Variants in ZNF565 observed in about 807,000 individuals in gnomAD.
ZNF565 encodes zinc finger protein 565.
In ZNF565, 27 loss-of-function variants were observed where a neutral mutation model predicts 39.4. The ratio of observed to expected loss-of-function variants is 0.69; its 90% CI spans 0.51 to 0.95. ZNF565 has a LOEUF of 0.95. Ranked by LOEUF, ZNF565 falls within the 40% of genes least tolerant of loss-of-function variation. The pLI is 0.00. For missense variants in ZNF565, 524 were observed against 621.1 expected, an observed-to-expected ratio of 0.84 and a Z score of 1.66; for synonymous variants, 185 against 216.6, an observed-to-expected ratio of 0.85 and a Z score of 1.28.
upstream of ZNF565, among the ~76,000 whole-genome samples, chr19:36,218,911 C>T (rs1379148926): frequency 6.6e-6 from 1 of 151,856 alleles, no homozygotes; most frequent in Non-Finnish European, 1.5e-5. Context: ...CAGGTTCACG[C>T]CATTCTCCAG....
intron 4 of ZNF565, 89 bp from the exon 5 acceptor site, chr19:36,183,822 C>A: frequency 8.2e-7 from 1 of 1,213,136 alleles, no homozygotes; most frequent in Non-Finnish European, 1.1e-6. Flanking sequence ...CACGGTGGCT[C>A]ACATCTGTAA....
intron 4 of ZNF565, among the ~76,000 whole-genome samples, chr19:36,184,806 CCATTTCGGTG>C: frequency 6.6e-6 from 1 of 152,060 alleles, no homozygotes; most frequent in South Asian, 2.1e-4. Context: ...CACTGCCTTC[CCATTTCGGTG>C]CATTAAGAAT....
At chr19:36,203,395 A>C (rs1282270366) in intron 1 of ZNF565, 1 of 151,948 alleles carries the variant, frequency 6.6e-6, no homozygotes, top group Non-Finnish European at 1.5e-5. Context: ...GAATAGAACA[A>C]GGAGTTCAAT....
intron 1 of ZNF565, chr19:36,237,456 C>T (rs1454773731): frequency 9.2e-7 from 1 of 1,089,216 alleles, no homozygotes; most frequent in Non-Finnish European, 1.3e-6. Context: ...TTAAGGGACA[C>T]CAGAAAATTT....
chr19:36,182,150 C>A, downstream of ZNF565: 1 of 235,790 alleles, frequency 4.2e-6, no homozygotes, highest in Non-Finnish European at 8.2e-6. Flanking sequence ...CCACGCCTGG[C>A]CACAGAATCT....
intron 1 of ZNF565, among the ~76,000 whole-genome samples, chr19:36,231,441 T>G (rs1019593145): frequency 6.6e-6 from 1 of 152,154 alleles, no homozygotes; most frequent in Non-Finnish European, 1.5e-5. Flanking sequence ...ACTCCTGACC[T>G]CAAGTGATCT....
At chr19:36,214,352 G>A (rs1238392193) in intron 1 of ZNF565, among the ~76,000 whole-genome samples, 1 of 151,692 alleles carries the variant, frequency 6.6e-6, no homozygotes, top group African/African-American at 2.4e-5. Context: ...GGGCGAACAG[G>A]CCACATATAC....
chr19:36,190,353 G>C (rs1975483557), intron 4 of ZNF565, among the ~76,000 whole-genome samples: 1 of 150,624 alleles, frequency 6.6e-6, no homozygotes, highest in Non-Finnish European at 1.5e-5. Flanking sequence ...GAGGAGGGTG[G>C]ATCACCTGAG....
chr19:36,198,567 C>A (rs1210116772), intron 2 of ZNF565, among the ~76,000 whole-genome samples: 1 of 151,366 alleles, frequency 6.6e-6, no homozygotes, highest in African/African-American at 2.4e-5. Flanking sequence ...TTTGATAGCA[C>A]AACAGGGTGA....
chr19:36,200,870 G>A (rs879424001), intron 2 of ZNF565, among the ~76,000 whole-genome samples: 2 of 151,378 alleles, frequency 1.3e-5, no homozygotes, highest in Admixed American at 6.6e-5. Context: ...TGACAACCTC[G>A]GCCTCCTAGG....
At chr19:36,227,163 C>T (rs927754445) in intron 1 of ZNF565, among the ~76,000 whole-genome samples, 42 of 151,380 alleles carry the variant, frequency 2.8e-4, no homozygotes, top group Non-Finnish European at 5.3e-4. Flanking sequence ...CAGAGGTGGG[C>T]GGATCACCTG....
intron 1 of ZNF565, among the ~76,000 whole-genome samples, chr19:36,229,672 T>C (rs1408884807): frequency 6.6e-6 from 1 of 152,220 alleles, no homozygotes; most frequent in Non-Finnish European, 1.5e-5. Flanking sequence ...TATTCTATTA[T>C]GTACATAAGT....
chr19:36,194,617 G>T, intron 3 of ZNF565: 1 of 469,888 alleles, frequency 2.1e-6, no homozygotes, highest in Non-Finnish European at 3.9e-6. Context: ...TAAATGTGTG[G>T]TGATCACTCT....
chr19:36,222,712 G>T (rs1156557083), intron 1 of ZNF565, among the ~76,000 whole-genome samples: 2 of 149,380 alleles, frequency 1.3e-5, no homozygotes, highest in Admixed American at 6.7e-5. Flanking sequence ...TTTCTATGGG[G>T]TGTCTTCTCC....
At chr19:36,200,315 T>C (rs1266134697) in intron 2 of ZNF565, among the ~76,000 whole-genome samples, 1 of 151,642 alleles carries the variant, frequency 6.6e-6, no homozygotes, top group Non-Finnish European at 1.5e-5. Flanking sequence ...TATCAGACAA[T>C]GCATCCAGCC....
At chr19:36,200,722 C>T (rs892388575) in intron 2 of ZNF565, among the ~76,000 whole-genome samples, 7 of 150,428 alleles carry the variant, frequency 4.7e-5, no homozygotes, top group East Asian at 4.0e-4. Flanking sequence ...CTCTTGACCT[C>T]GTGATCCACC....
chr19:36,219,188 C>T (rs1028024548), upstream of ZNF565, among the ~76,000 whole-genome samples: 2 of 152,074 alleles, frequency 1.3e-5, no homozygotes, highest in African/African-American at 4.8e-5. Flanking sequence ...GAGATGGGGT[C>T]TCACTCTGGC....
At chr19:36,215,316 G>A (rs1343818621), upstream of ZNF565, 1 of 152,332 alleles carries the variant, frequency 6.6e-6, no homozygotes, top group African/African-American at 2.4e-5. Context: ...CTACGTGCGG[G>A]GCGGAGATGG....
Position 36,191,012 on chromosome 19 carries a change from A to G in ZNF565, c.232+3221T>C, listed in dbSNP as rs1168430207. ...GTCTCAAAAAAAAAAAAAAAAAAAC[A>G]CATAAAAACAAACTTTTTCTGTGAA... On this transcript the variant is annotated intron_variant, in intron 4 of 4. Transcript: ENST00000304116. Among the ~76,000 whole-genome samples the G allele has an allele frequency of 2.1e-5, 3 of 145,958 alleles. No homozygotes were observed. The East Asian group carries it at 5.9e-4, about 29-fold the overall frequency.
Sources: allele counts gnomAD v4.1 joint callset (sites outside exome capture counted in the v4.1 genomes callset), GRCh38; gene constraint gnomAD v4.1.1; transcripts MANE v1.5; gene names NCBI Gene and HGNC (gene_info 2026-07-23, HGNC 2026-07-21).